Variants in MEF2A observed in about 807,000 individuals in gnomAD.
The protein encoded by MEF2A is myocyte enhancer factor 2A.
In MEF2A, 28 loss-of-function variants were observed where a neutral mutation model predicts 55.8. The observed-to-expected ratio is 0.50, with a 90% CI of 0.37 to 0.69. The LOEUF is 0.69. Ranked by LOEUF, MEF2A falls within the 30% of genes least tolerant of loss-of-function variation. The pLI, the probability that MEF2A is intolerant of heterozygous loss-of-function variation, is 0.00. For missense variants in MEF2A, 528 were observed against 626.2 expected (o/e 0.84, Z 1.67); for synonymous variants, 239 against 227.1 (o/e 1.05, Z -0.47).
In MEF2A at chr15:99,589,084, T is replaced by A. The variant is rs1306821853; in HGVS notation, c.-224-9346T>A. Reference sequence around the variant, plus strand: ...TTATTTATACTGGCCTCCTTAAATGTGTTAGAAAGTGTGTCCTCTCCTTCT... The same window carrying A: ...TTATTTATACTGGCCTCCTTAAATGAGTTAGAAAGTGTGTCCTCTCCTTCT... On this transcript the variant is annotated intron_variant, in intron 1 of 11. Transcript: ENST00000557942. Among the ~76,000 whole-genome samples the A allele has an allele frequency of 1.3e-5, 2 of 152,172 alleles. 1 individual carries two copies. The highest frequency in any genetic ancestry group is 6.3e-3 in the Middle Eastern group (2 of 316).
intron 4 of MEF2A, among the ~76,000 whole-genome samples, chr15:99,658,239 A>G (rs776728761): frequency 3.9e-5 from 6 of 152,214 alleles, no homozygotes; most frequent in Admixed American, 2.0e-4. Flanking sequence ...AGGAATTGAC[A>G]TAGCAGAGTT....
chr15:99,683,280 C>G (rs945247373), intron 7 of MEF2A, among the ~76,000 whole-genome samples: 2 of 152,136 alleles, frequency 1.3e-5, no homozygotes, highest in African/African-American at 4.8e-5. Flanking sequence ...TACCAGTCCC[C>G]ACAGCAAAAT....
chr15:99,656,910 C>T (rs569750821), intron 4 of MEF2A, among the ~76,000 whole-genome samples: 84 of 152,202 alleles, frequency 5.5e-4, no homozygotes, highest in Non-Finnish European at 6.8e-4. Context: ...AATTCTAGAA[C>T]ATTTTCATCA....
intron 11 of MEF2A, 76 bp downstream of exon 11, chr15:99,710,836 T>C: frequency 2.0e-6 from 3 of 1,508,796 alleles, no homozygotes; most frequent in Non-Finnish European, 2.7e-6. Context: ...GACAGCCTTT[T>C]GCTCTGTTGA....
intron 7 of MEF2A, among the ~76,000 whole-genome samples, chr15:99,680,067 T>C (rs903093660): frequency 6.6e-6 from 1 of 152,136 alleles, no homozygotes; most frequent in African/African-American, 2.4e-5. Flanking sequence ...AATGCCAAGG[T>C]TGATGAAGTG....
At chr15:99,696,604 A>G (rs919878588) in intron 8 of MEF2A, among the ~76,000 whole-genome samples, 2 of 151,990 alleles carry the variant, frequency 1.3e-5, no homozygotes, top group African/African-American at 4.8e-5. Flanking sequence ...AGTAGTGATG[A>G]GGTGAGATTT....
intron 2 of MEF2A, among the ~76,000 whole-genome samples, chr15:99,607,944 A>G (rs534426490): frequency 2.6e-5 from 4 of 152,300 alleles, no homozygotes; most frequent in African/African-American, 7.2e-5. Flanking sequence ...AATTTCCTGT[A>G]GGAGTTTTGA....
chr15:99,588,010 AG>A (rs1165896659), intron 1 of MEF2A, among the ~76,000 whole-genome samples: 4 of 152,194 alleles, frequency 2.6e-5, no homozygotes, highest in Admixed American at 2.0e-4. Context: ...CCAGTCTTAG[AG>A]GGGGCAATTA....
At chr15:99,611,526 T>C (rs1039969923) in intron 2 of MEF2A, among the ~76,000 whole-genome samples, 6 of 152,210 alleles carry the variant, frequency 3.9e-5, no homozygotes, top group African/African-American at 1.4e-4. Context: ...AGAAAATAAG[T>C]GTTGGAGAGA....
intron 4 of MEF2A, among the ~76,000 whole-genome samples, chr15:99,660,857 G>A (rs1367856478): frequency 6.6e-6 from 1 of 152,132 alleles, no homozygotes; most frequent in Non-Finnish European, 1.5e-5. Flanking sequence ...TAGAGTTGAT[G>A]AAATATCAAT....
intron 2 of MEF2A, among the ~76,000 whole-genome samples, chr15:99,619,376 T>G (rs1358158071): frequency 6.6e-6 from 1 of 152,180 alleles, no homozygotes; most frequent in African/African-American, 2.4e-5. Flanking sequence ...CAGACCTGAG[T>G]TGTCTTGGCT....
At chr15:99,691,218 CAA>C (rs1338562802) in intron 8 of MEF2A, among the ~76,000 whole-genome samples, 1 of 144,990 alleles carries the variant, frequency 6.9e-6, no homozygotes, top group African/African-American at 2.6e-5. Context: ...GGGATTCAAA[CAA>C]AGAGGAAACC....
At chr15:99,669,879 T>A (rs1161326487) in intron 4 of MEF2A, among the ~76,000 whole-genome samples, 5 of 152,220 alleles carry the variant, frequency 3.3e-5, no homozygotes, top group Admixed American at 3.3e-4. Context: ...CAAAAATATC[T>A]TTAGATCTAA....
At chr15:99,592,631 C>A (rs185732119) in intron 1 of MEF2A, among the ~76,000 whole-genome samples, 5 of 152,178 alleles carry the variant, frequency 3.3e-5, no homozygotes, top group Admixed American at 3.3e-4. Flanking sequence ...AGGAATGTTA[C>A]AGTCATGGTG....
At chr15:99,637,933 G>A (rs879166396) in intron 3 of MEF2A, among the ~76,000 whole-genome samples, 1 of 152,078 alleles carries the variant, frequency 6.6e-6, no homozygotes, top group Admixed American at 6.6e-5. Flanking sequence ...GTGAGCCACC[G>A]CCCCCAGCCC....
At chr15:99,590,363 A>G (rs1454682465) in intron 1 of MEF2A, among the ~76,000 whole-genome samples, 1 of 149,704 alleles carries the variant, frequency 6.7e-6, no homozygotes, top group Non-Finnish European at 1.5e-5. Flanking sequence ...ATTTAAAGTG[A>G]TATCTTATAG....
chr15:99,668,765 A>G (rs1337683307), intron 4 of MEF2A, among the ~76,000 whole-genome samples: 1 of 152,166 alleles, frequency 6.6e-6, no homozygotes, highest in Non-Finnish European at 1.5e-5. Flanking sequence ...TTCTTAATAG[A>G]TTACGGCATT....
chr15:99,568,041 T>C (rs1289358774), intron 1 of MEF2A, among the ~76,000 whole-genome samples: 1 of 152,208 alleles, frequency 6.6e-6, no homozygotes, highest in Non-Finnish European at 1.5e-5. Flanking sequence ...GAAGTAATGG[T>C]GACCTCTCTA....
chr15:99,605,171 C>T (rs989824855), intron 2 of MEF2A, among the ~76,000 whole-genome samples: 3 of 152,182 alleles, frequency 2.0e-5, no homozygotes, highest in Admixed American at 1.3e-4. Flanking sequence ...TGGTCTCGAA[C>T]TCCTGGCCTC....
Sources: allele counts gnomAD v4.1 joint callset (sites outside exome capture counted in the v4.1 genomes callset), GRCh38; gene constraint gnomAD v4.1.1; transcripts MANE v1.5; gene names NCBI Gene and HGNC (gene_info 2026-07-23, HGNC 2026-07-21).